ZCCHC4: variants seen among roughly 807,000 people sequenced by gnomAD.
ZCCHC4 encodes the protein rRNA N(6)-adenosine-methyltransferase ZCCHC4.
ZCCHC4 carries 54 observed loss-of-function variants against 67.7 expected under a neutral mutation model. The ratio of observed to expected loss-of-function variants is 0.80; its 90% CI spans 0.64 to 1.00. The LOEUF (loss-of-function observed/expected upper bound fraction) is 1.00, where lower values mean the gene tolerates loss of function less well. ZCCHC4 is among the 50% of genes least tolerant of loss of function. The pLI is 0.00. For missense variants in ZCCHC4, 609 were observed against 617.0 expected (o/e 0.99, Z 0.14); for synonymous variants, 198 against 213.5 (o/e 0.93, Z 0.63).
chr4:25,324,014 G>GTTTTTTTTTT lies in ZCCHC4; in HGVS notation c.329+8621_329+8630dup, dbSNP rs71188998. The stretch of plus-strand genomic sequence containing the variant: ...TCGTACAGTATGTACTGTTTTTTGT[G>GTTTTTTTTTT]TTTTTTTTTTTTTTTTGAGACAGAG... On this transcript the variant is annotated intron_variant, in intron 3 of 12. Transcript: ENST00000302874. Among the ~76,000 whole-genome samples the GTTTTTTTTTT allele has an allele frequency of 2.8e-3, 230 of 82,384 alleles. 58 individuals carry two copies. Among genetic ancestry groups the GTTTTTTTTTT allele is most frequent in the Non-Finnish European group, 3.8e-3 (176 of 46,538 alleles). 54.0% of individuals were successfully genotyped at this position (82,384 alleles called of 152,430 possible). A position where few individuals can be genotyped will look rare whatever the true frequency, so the allele number is the denominator to read the frequency against.
chr4:25,335,201 CTT>C (rs1719393031), intron 5 of ZCCHC4, among the ~76,000 whole-genome samples: 1 of 152,104 alleles, frequency 6.6e-6, no homozygotes, highest in South Asian at 2.1e-4. Context: ...AATCCCGGCA[CTT>C]TGGGAGGCCA....
intron 7 of ZCCHC4, 42 bp downstream of exon 7, chr4:25,349,684 T>C (rs781514961): frequency 2.5e-6 from 4 of 1,586,534 alleles, no homozygotes; most frequent in Non-Finnish European, 3.4e-6. Flanking sequence ...TATCTATATA[T>C]CTACTTCCTG....
intron 5 of ZCCHC4, among the ~76,000 whole-genome samples, chr4:25,341,473 C>T (rs1038138479): frequency 1.3e-5 from 2 of 152,200 alleles, no homozygotes; most frequent in Non-Finnish European, 2.9e-5. Flanking sequence ...TGCTCCTTCT[C>T]TTGCTGTATA....
At chr4:25,362,977 G>T (rs1257067773) in intron 10 of ZCCHC4, among the ~76,000 whole-genome samples, 1 of 152,004 alleles carries the variant, frequency 6.6e-6, no homozygotes, top group Non-Finnish European at 1.5e-5. Context: ...CCACCAGAGG[G>T]GTGCATTTGT....
chr4:25,333,979 T>G lies in ZCCHC4; in HGVS notation c.677T>G (p.Ile226Ser), dbSNP rs1428610456. Residue 226 changes from isoleucine (I) to serine (S), a missense_variant, in exon 5 of 13, where the codon ATT (isoleucine) becomes AGT (serine). Coordinates refer to ENST00000302874, the MANE Select transcript of ZCCHC4 (RefSeq NM_024936.3). Reference sequence around the variant, plus strand: ...AACATTAAAAGCCTTTTATTGGATATTGATTTTCGGTAGGTTTACAAAATA... The same window carrying G: ...AACATTAAAAGCCTTTTATTGGATAGTGATTTTCGGTAGGTTTACAAAATA... ...KSNIKSLLLD[I>S]DFRYSQFYME... 1.3e-6 allele frequency: 2 copies of G among 1,597,536 alleles called. No homozygotes were observed. Among genetic ancestry groups the G allele is most frequent in the African/African-American group, 2.7e-5 (2 of 74,288 alleles).
At chr4:25,337,107 C>T (rs930070713) in intron 5 of ZCCHC4, among the ~76,000 whole-genome samples, 7 of 152,192 alleles carry the variant, frequency 4.6e-5, no homozygotes, top group African/African-American at 1.4e-4. Flanking sequence ...TATCCTCCTG[C>T]CTTGTTCCAC....
intron 8 of ZCCHC4, among the ~76,000 whole-genome samples, chr4:25,358,991 C>G (rs1261615823): frequency 2.0e-5 from 3 of 152,190 alleles, no homozygotes; most frequent in African/African-American, 2.4e-5. Flanking sequence ...GGGCTGAAAC[C>G]TGACACTTGG....
rs1718114829 is a variant in ZCCHC4, at chr4:25,314,126, A to G, written c.208A>G (p.Arg70Gly). Residue 70 changes from arginine to glycine, a missense_variant, in exon 2 of 13, where the codon AGA becomes GGA. Coordinates refer to ENST00000302874, the MANE Select transcript of ZCCHC4 (RefSeq NM_024936.3). The part of the protein sequence containing the change: ...RFYACSACRD[R>G]KDCNFFQWED... Reference sequence around the variant, plus strand: ...TTATGCCTGTTCAGCCTGTAGAGATAGAAAAGACTGTAATTTTTTTCAGTG... The same window carrying G: ...TTATGCCTGTTCAGCCTGTAGAGATGGAAAAGACTGTAATTTTTTTCAGTG... 1.9e-6 allele frequency: 3 copies of G among 1,609,640 alleles called. No individual in the cohort carries two copies. Among genetic ancestry groups the G allele is most frequent in the East Asian group, 2.2e-5 (1 of 44,814 alleles).
rs1480454791 is a variant in ZCCHC4, at chr4:25,333,144, C to G, written c.330-39C>G. ...AACACATTGTGTTTACAACAATAAA[C>G]TTAAAATATATTTCTTTGTGTTTTA... On this transcript the variant is annotated intron_variant, in intron 3 of 12. Transcript: ENST00000302874. 3 of 1,582,012 alleles carry G rather than the reference C, an allele frequency of 1.9e-6. No individual in the cohort carries two copies. In the African/African-American group the frequency reaches 4.1e-5, roughly 22 times the overall value.
chr4:25,357,948 T>TA (rs1430562829), intron 8 of ZCCHC4, among the ~76,000 whole-genome samples: 2 of 152,178 alleles, frequency 1.3e-5, no homozygotes, highest in Non-Finnish European at 2.9e-5. Context: ...GTGACACTGA[T>TA]ATTGCTGATC....
chr4:25,333,780 A>C (rs929403883), intron 4 of ZCCHC4, 128 bp from the exon 5 acceptor site: 1 of 739,314 alleles, frequency 1.4e-6, no homozygotes. Flanking sequence ...ATACCTGCCA[A>C]ATTCTCTTCA....
chr4:25,323,686 A>C (rs1397218258), intron 3 of ZCCHC4, among the ~76,000 whole-genome samples: 1 of 152,202 alleles, frequency 6.6e-6, no homozygotes, highest in Non-Finnish European at 1.5e-5. Context: ...CACCTTAGTG[A>C]TATGGGGATC....
chr4:25,353,458 T>G (rs1233147042), intron 8 of ZCCHC4, among the ~76,000 whole-genome samples: 1 of 152,232 alleles, frequency 6.6e-6, no homozygotes, highest in Non-Finnish European at 1.5e-5. Flanking sequence ...CTGTTTCTTG[T>G]CTGAGGGATG....
intron 5 of ZCCHC4, among the ~76,000 whole-genome samples, chr4:25,340,223 C>T (rs1290218144): frequency 2.0e-5 from 3 of 152,128 alleles, no homozygotes; most frequent in Non-Finnish European, 2.9e-5. Flanking sequence ...ATGTAGATGA[C>T]TAGTTGCTCT....
intron 5 of ZCCHC4, among the ~76,000 whole-genome samples, chr4:25,344,552 T>C (rs1719907206): frequency 6.6e-6 from 1 of 151,386 alleles, no homozygotes; most frequent in Non-Finnish European, 1.5e-5. Context: ...GCATGGCACA[T>C]GTATACATAT....
intron 6 of ZCCHC4, among the ~76,000 whole-genome samples, chr4:25,348,493 A>G (rs1720130790): frequency 6.6e-6 from 1 of 152,138 alleles, no homozygotes; most frequent in African/African-American, 2.4e-5. Flanking sequence ...AATATTTAGG[A>G]AAAAAAGGAT....
At chr4:25,362,500 A>T (rs1003968162) in intron 10 of ZCCHC4, among the ~76,000 whole-genome samples, 199 bp downstream of exon 10, 2 of 152,232 alleles carry the variant, frequency 1.3e-5, no homozygotes, top group African/African-American at 2.4e-5. Flanking sequence ...TGCCTTCATT[A>T]TCACGAACTC....
At chr4:25,313,020 T>G in intron 1 of ZCCHC4, 84 bp downstream of exon 1, 1 of 1,549,910 alleles carries the variant, frequency 6.5e-7, no homozygotes, top group Non-Finnish European at 8.7e-7. Context: ...GCTCCTGTAT[T>G]TTTACCCGCC....
intron 3 of ZCCHC4, among the ~76,000 whole-genome samples, chr4:25,322,094 A>T (rs1038862922): frequency 6.6e-6 from 1 of 152,314 alleles, no homozygotes; most frequent in Admixed American, 6.5e-5. Flanking sequence ...GTGAAAAAAT[A>T]TACACCTTAG....
Sources: allele counts gnomAD v4.1 joint callset (sites outside exome capture counted in the v4.1 genomes callset), GRCh38; gene constraint gnomAD v4.1.1; transcripts MANE v1.5; gene names NCBI Gene and HGNC (gene_info 2026-07-23, HGNC 2026-07-21).